Variants in NLGN4Y observed in about 807,000 individuals in gnomAD.
NLGN4Y encodes the protein neuroligin 4 Y-linked.
A neutral mutation model predicts 8.4 loss-of-function variants in NLGN4Y; 4 were observed. That is an observed-to-expected ratio of 0.48 (90% CI 0.23 to 1.09). The LOEUF (loss-of-function observed/expected upper bound fraction) is 1.09, where lower values mean the gene tolerates loss of function less well. Ranked by LOEUF, NLGN4Y falls within the 50% of genes least tolerant of loss-of-function variation. NLGN4Y has a pLI of 0.19. For synonymous variants in NLGN4Y, 35 were observed against 75.6 expected (o/e 0.46, Z 2.78); for missense variants, 90 against 192.3 (o/e 0.47, Z 3.15).
chrY:14,580,893 A>G (rs2080317149), intron 1 of NLGN4Y, among the ~76,000 whole-genome samples: 2 of 28,238 alleles, frequency 7.1e-5, no homozygotes, highest in Admixed American at 6.8e-4. Flanking sequence ...AAAAAAAAAA[A>G]AAAAAAAAAA....
chrY:14,703,338 A>G (rs2150545876), intron 2 of NLGN4Y, among the ~76,000 whole-genome samples: 1 of 33,454 alleles, frequency 3.0e-5, no homozygotes, highest in Non-Finnish European at 7.4e-5. Flanking sequence ...TAATTTTTGT[A>G]TAAGGTGTAA....
intron 4 of NLGN4Y, among the ~76,000 whole-genome samples, chrY:14,747,756 G>A (rs2081028091): frequency 3.0e-5 from 1 of 33,474 alleles, no homozygotes; most frequent in Non-Finnish European, 7.4e-5. Flanking sequence ...GACCTCAAAG[G>A]ATCATCCTCC....
At chrY:14,621,257 G>A (rs935195145) in intron 1 of NLGN4Y, among the ~76,000 whole-genome samples, 3 of 33,153 alleles carry the variant, frequency 9.0e-5, no homozygotes, top group Admixed American at 2.7e-4. Flanking sequence ...AGGATGGCCT[G>A]GATGCATGCT....
chrY:14,769,900 G>A (rs958351461), intron 4 of NLGN4Y, among the ~76,000 whole-genome samples: 11 of 33,102 alleles, frequency 3.3e-4, no homozygotes, highest in Admixed American at 2.2e-3. Flanking sequence ...TTGAGTAGGC[G>A]GTTTTCCCCT....
chrY:14,536,293 C>A, intron 1 of NLGN4Y, among the ~76,000 whole-genome samples: 1 of 16,723 alleles, frequency 6.0e-5, no homozygotes, highest in South Asian at 1.8e-3. Flanking sequence ...TTCACCGAGG[C>A]TGGAGTGCAG....
At chrY:14,792,631 G>A (rs2042989435) in intron 4 of NLGN4Y, among the ~76,000 whole-genome samples, 1 of 26,326 alleles carries the variant, frequency 3.8e-5, no homozygotes, top group Non-Finnish European at 8.7e-5. Flanking sequence ...TCTACAAAAA[G>A]AAAAAAAAAT....
intron 2 of NLGN4Y, among the ~76,000 whole-genome samples, chrY:14,697,491 GTGAT>G: frequency 8.1e-5 from 1 of 12,359 alleles, no homozygotes; most frequent in Non-Finnish European, 1.9e-4. Context: ...AAGCAGATAG[GTGAT>G]AGATAGATAG....
At chrY:14,740,687 G>T (rs1027572481) in intron 4 of NLGN4Y, among the ~76,000 whole-genome samples, 4 of 33,537 alleles carry the variant, frequency 1.2e-4, no homozygotes, top group African/African-American at 4.6e-4. Context: ...ACATGCAAAA[G>T]AAAAATATTG....
At chrY:14,706,800 AT>A (rs2080880626) in intron 2 of NLGN4Y, among the ~76,000 whole-genome samples, 25 of 16,159 alleles carry the variant, frequency 1.5e-3, no homozygotes, top group African/African-American at 6.1e-3. Context: ...AAAAAAAAAT[AT>A]ATATATATAT....
chrY:14,727,758 C>A, intron 4 of NLGN4Y, among the ~76,000 whole-genome samples: 1 of 33,132 alleles, frequency 3.0e-5, no homozygotes, highest in Non-Finnish European at 7.4e-5. Context: ...GAACAGAGAG[C>A]AGTTTCTATT....
intron 1 of NLGN4Y, among the ~76,000 whole-genome samples, chrY:14,573,684 A>T: frequency 3.1e-5 from 1 of 32,670 alleles, no homozygotes; most frequent in Non-Finnish European, 7.5e-5. Context: ...TTTAATTGTG[A>T]TGTTAGGGTG....
intron 1 of NLGN4Y, among the ~76,000 whole-genome samples, chrY:14,559,856 C>T (rs2080221451): frequency 3.0e-5 from 1 of 33,518 alleles, no homozygotes; most frequent in Admixed American, 2.8e-4. Flanking sequence ...AGATGCTCAA[C>T]ACTTTATTAT....
At chrY:14,645,041 A>G in intron 2 of NLGN4Y, among the ~76,000 whole-genome samples, 1 of 32,707 alleles carries the variant, frequency 3.1e-5, no homozygotes, top group African/African-American at 1.2e-4. Context: ...TTCCAAATGC[A>G]GATTCCTGGG....
intron 4 of NLGN4Y, among the ~76,000 whole-genome samples, chrY:14,796,331 C>T (rs2043008267): frequency 3.1e-5 from 1 of 32,730 alleles, no homozygotes; most frequent in Non-Finnish European, 7.5e-5. Context: ...CGGTGGCTCA[C>T]GCCTGTAATC....
chrY:14,575,547 C>G, intron 1 of NLGN4Y, among the ~76,000 whole-genome samples: 1 of 33,108 alleles, frequency 3.0e-5, no homozygotes, highest in East Asian at 8.2e-4. Flanking sequence ...TCTCCTTTAG[C>G]TCAGAGTAGT....
At chrY:14,534,567 A>T in intron 1 of NLGN4Y, among the ~76,000 whole-genome samples, 1 of 33,785 alleles carries the variant, frequency 3.0e-5, no homozygotes, top group African/African-American at 1.1e-4. Context: ...TACCAAAATA[A>T]TTTGGAGAAA....
intron 2 of NLGN4Y, among the ~76,000 whole-genome samples, chrY:14,698,471 T>G (rs2080839100): frequency 3.0e-5 from 1 of 33,380 alleles, no homozygotes; most frequent in Admixed American, 2.7e-4. Context: ...TAAATCCATT[T>G]CCATGCTTTT....
chrY:14,721,617 C>T, intron 3 of NLGN4Y, among the ~76,000 whole-genome samples: 1 of 32,279 alleles, frequency 3.1e-5, no homozygotes, highest in South Asian at 7.1e-4. Context: ...ACCATCCAAA[C>T]GATGGTAATT....
intron 2 of NLGN4Y, among the ~76,000 whole-genome samples, chrY:14,703,542 C>T: frequency 3.0e-5 from 1 of 33,383 alleles, no homozygotes; most frequent in East Asian, 7.9e-4. Flanking sequence ...GTACCAGTAC[C>T]GTACTGTTTT....
Sources: gnomAD v4.1 joint callset for allele counts (sites outside exome capture counted in the v4.1 genomes callset) on GRCh38, gnomAD v4.1.1 for gene constraint, MANE v1.5 for transcripts, NCBI Gene and HGNC (gene_info 2026-07-23, HGNC 2026-07-21) for gene names.